Variants in TRIM24 observed in about 807,000 individuals in gnomAD.
The protein encoded by TRIM24 is transcription intermediary factor 1-alpha.
A neutral mutation model predicts 123.9 loss-of-function variants in TRIM24; 29 were observed. The ratio of observed to expected loss-of-function variants is 0.23; its 90% confidence interval spans 0.17 to 0.32. The LOEUF is 0.32. TRIM24 is among the 10% of genes least tolerant of loss of function. The pLI, the probability that TRIM24 is intolerant of heterozygous loss-of-function variation, is 1.00. For synonymous variants in TRIM24, 456 were observed against 461.1 expected, an observed-to-expected ratio of 0.99 and a Z score of 0.14; for missense variants, 932 against 1,295.3, an observed-to-expected ratio of 0.72 and a Z score of 4.31.
At chr7:138,527,752 C>T (rs1018878764) in intron 5 of TRIM24, among the ~76,000 whole-genome samples, 4 of 152,128 alleles carry the variant, frequency 2.6e-5, no homozygotes, top group East Asian at 3.9e-4. Flanking sequence ...GGTGTGGTAC[C>T]GTATGTTTTT....
At chr7:138,540,817 A>G (rs1376962871) in intron 7 of TRIM24, among the ~76,000 whole-genome samples, 1 of 152,126 alleles carries the variant, frequency 6.6e-6, no homozygotes, top group Non-Finnish European at 1.5e-5. Flanking sequence ...TATGGTGGCT[A>G]TTATACTAGC....
At position 138,586,892 on chromosome 7, in the gene TRIM24, A is replaced by G. The variant is rs1485171837; in HGVS notation, c.*1941A>G. ...AAGGGAGTTAGAACTTGTGAGACTAAAACTATAATTTCCTAAATGTGACTA... is the reference window on the plus strand; with the variant it reads ...AAGGGAGTTAGAACTTGTGAGACTAGAACTATAATTTCCTAAATGTGACTA... On this transcript the variant is annotated 3_prime_UTR_variant, in exon 19 of 19. Coordinates refer to ENST00000343526, the MANE Select transcript of TRIM24 (RefSeq NM_015905.3). The G allele has an allele frequency of 6.6e-6, 1 of 152,248 alleles. No individual in the cohort carries two copies. Among genetic ancestry groups the G allele is most frequent in the African/African-American group, 2.4e-5 (1 of 41,470 alleles). The allele number at this position is 152,248 out of a possible 1,614,324, so 9.4% of individuals were successfully genotyped here. A position where few individuals can be genotyped will look rare whatever the true frequency, so the allele number is the denominator to read the frequency against.
In TRIM24 at chr7:138,487,741, G is replaced by A. The variant is rs894147929; in HGVS notation, c.365-16549G>A. On this transcript the variant is annotated intron_variant, in intron 1 of 18. Coordinates refer to ENST00000343526, the MANE Select transcript of TRIM24 (RefSeq NM_015905.3). ...GCTTTTTGATATGCTGCCGGATTTGGTTTGCCAGTATTTTATTGAGAATTT... is the reference window on the plus strand; with the variant it reads ...GCTTTTTGATATGCTGCCGGATTTGATTTGCCAGTATTTTATTGAGAATTT... 3.3e-5 allele frequency among the ~76,000 whole-genome samples: 5 copies of A among 152,194 alleles called. No homozygotes were observed. In the East Asian group the frequency reaches 5.8e-4, roughly 18 times the overall value.
intron 16 of TRIM24, 71 bp from the exon 17 acceptor site, chr7:138,581,623 ATTG>A (rs1797897228): frequency 3.8e-6 from 5 of 1,299,584 alleles, no homozygotes; most frequent in Admixed American, 4.1e-5. Context: ...GACCTCTGAG[ATTG>A]TTATTTAAAA....
At chr7:138,482,360 A>G (rs545131709) in intron 1 of TRIM24, among the ~76,000 whole-genome samples, 10 of 152,306 alleles carry the variant, frequency 6.6e-5, no homozygotes, top group Admixed American at 3.3e-4. Flanking sequence ...GAATTATCAC[A>G]TAAGAATCCA....
chr7:138,578,529 G>GTTTTTT (rs35782007), intron 14 of TRIM24, among the ~76,000 whole-genome samples: 3 of 112,540 alleles, frequency 2.7e-5, no homozygotes, highest in African/African-American at 1.1e-4. Flanking sequence ...GGTGGTGGTG[G>GTTTTTT]TTTTGTGTGT....
intron 14 of TRIM24, among the ~76,000 whole-genome samples, 175 bp from the exon 15 acceptor site, chr7:138,579,029 A>AT (rs1305709946): frequency 6.6e-6 from 1 of 151,578 alleles, no homozygotes; most frequent in Admixed American, 6.6e-5. Context: ...TTATTTTGGT[A>AT]TTTTTTAGTA....
At chr7:138,518,519 T>C (rs1194456213) in intron 3 of TRIM24, among the ~76,000 whole-genome samples, 1 of 152,234 alleles carries the variant, frequency 6.6e-6, no homozygotes, top group Non-Finnish European at 1.5e-5. Context: ...ACTGGAAAAC[T>C]AGAGTGTAAT....
At chr7:138,513,096 CA>C (rs753472002) in intron 2 of TRIM24, among the ~76,000 whole-genome samples, 19 of 152,284 alleles carry the variant, frequency 1.2e-4, no homozygotes, top group Non-Finnish European at 2.4e-4. Context: ...AGCTCTTTGC[CA>C]AGGTGTAACA....
At chr7:138,576,545 ATTTCC>A (rs1284116306) in intron 13 of TRIM24, 100 bp downstream of exon 13, 36 of 927,816 alleles carry the variant, frequency 3.9e-5, no homozygotes, top group African/African-American at 5.1e-5. Context: ...ATTTTGAACA[ATTTCC>A]TTTATTTTTA....
chr7:138,471,483 A>G (rs574869423), intron 1 of TRIM24, among the ~76,000 whole-genome samples: 30 of 151,826 alleles, frequency 2.0e-4, no homozygotes, highest in Non-Finnish European at 4.0e-4. Context: ...TTTTTTTCTA[A>G]TATAAATAAT....
chr7:138,565,927 A>C (rs1797525906), intron 9 of TRIM24, among the ~76,000 whole-genome samples: 1 of 152,182 alleles, frequency 6.6e-6, no homozygotes, highest in African/African-American at 2.4e-5. Flanking sequence ...CAAAACTTGG[A>C]AATTGAGTAA....
chr7:138,552,709 G>A (rs1003235361), intron 8 of TRIM24, among the ~76,000 whole-genome samples: 3 of 152,072 alleles, frequency 2.0e-5, no homozygotes, highest in Non-Finnish European at 4.4e-5. Context: ...ACCCATAAGG[G>A]AAGAACAAAA....
rs1798027301 is a variant in TRIM24 at position 138,586,767 on chromosome 7, G to T, written c.*1816G>T. 6.6e-6 allele frequency: 1 copy of T among 152,048 alleles called. No individual in the cohort carries two copies. The highest frequency in any genetic ancestry group is 1.5e-5 in the Non-Finnish European group (1 of 67,994). The allele number at this position is 152,048 out of a possible 1,614,324, so 9.4% of individuals were successfully genotyped here. A position where few individuals can be genotyped will look rare whatever the true frequency, so the allele number is the denominator to read the frequency against. On this transcript the variant is annotated 3_prime_UTR_variant, in exon 19 of 19. Transcript: ENST00000343526. ...GCTTTTGCTGATAATTTTATTGTTGGTATCTTAGAATACTGTTCGTCTGAC... is the reference window on the plus strand; with the variant it reads ...GCTTTTGCTGATAATTTTATTGTTGTTATCTTAGAATACTGTTCGTCTGAC...
chr7:138,475,069 A>C lies in TRIM24; in HGVS notation c.364+14157A>C, dbSNP rs183395362. Among the ~76,000 whole-genome samples the C allele has an allele frequency of 6.6e-5, 10 of 152,372 alleles. No individual in the cohort carries two copies. In the East Asian group the frequency reaches 1.9e-3, roughly 29 times the overall value. ...AAGCTGTTAGAGAATTAAGTTTCAG[A>C]CAGCCAAGAAATGGTTTAATAGGCT... On this transcript the variant is annotated intron_variant, in intron 1 of 18. Transcript: ENST00000343526.
Position 138,585,623 on chromosome 7 carries a change from T to TAG in TRIM24, c.*675_*676dup. The TAG allele has an allele frequency of 2.8e-6, 1 of 357,718 alleles. No homozygotes were observed. The highest frequency in any genetic ancestry group is 2.4e-5 in the South Asian group (1 of 41,272). 22.2% of individuals were successfully genotyped at this position (357,718 alleles called of 1,614,324 possible). A position where few individuals can be genotyped will look rare whatever the true frequency, so the allele number is the denominator to read the frequency against. ...TTTGTTTTTGTTTTTATCTTGTCTG[T>TAG]AGAGGTATTTTGGTATAGCAGGTTT... On this transcript the variant is annotated 3_prime_UTR_variant, in exon 19 of 19. Coordinates refer to ENST00000343526, the MANE Select transcript of TRIM24 (RefSeq NM_015905.3).
chr7:138,579,281 A>G lies in TRIM24; in HGVS notation c.2334A>G (p.Leu778=). 6.2e-7 allele frequency: 1 copy of G among 1,614,178 alleles called. No individual in the cohort carries two copies. The highest frequency in any genetic ancestry group is 8.5e-7 in the Non-Finnish European group (1 of 1,180,008). The change falls in exon 15 of 19, where the codon CTA becomes CTG. Residue 778 remains leucine, a synonymous_variant. Coordinates refer to ENST00000343526, the MANE Select transcript of TRIM24 (RefSeq NM_015905.3). ...GCTCTACTTCTGAGGAGACTGTGCTAAGATCAGATGCCCCTGATAGTACAG... is the reference window on the plus strand; with the variant it reads ...GCTCTACTTCTGAGGAGACTGTGCTGAGATCAGATGCCCCTGATAGTACAG... The part of the protein sequence containing the change: ...SQSSTSEETV[L]RSDAPDSTGD...
chr7:138,469,344 T>C (rs922776018), intron 1 of TRIM24, among the ~76,000 whole-genome samples: 1 of 151,852 alleles, frequency 6.6e-6, no homozygotes, highest in African/African-American at 2.4e-5. Context: ...TTTTTTTTTT[T>C]TTTTGAGACA....
At chr7:138,568,770 TCTCAAAG>T (rs1301283709) in intron 10 of TRIM24, among the ~76,000 whole-genome samples, 4 of 152,168 alleles carry the variant, frequency 2.6e-5, no homozygotes, top group African/African-American at 9.7e-5. Flanking sequence ...TGTTTTTTCT[TCTCAAAG>T]CTCCTATGAC....
Sources: allele counts gnomAD v4.1 joint callset (sites outside exome capture counted in the v4.1 genomes callset), GRCh38; gene constraint gnomAD v4.1.1; transcripts MANE v1.5; gene names NCBI Gene and HGNC (gene_info 2026-07-23, HGNC 2026-07-21).